The following AKAIN1 variants were observed in gnomAD, a reference collection of about 807,000 sequenced individuals.
AKAIN1 encodes A-kinase anchor protein inhibitor 1.
AKAIN1 carries 3 observed loss-of-function variants against 3.7 expected under a neutral mutation model. The ratio of observed to expected loss-of-function variants is 0.82; its 90% CI spans 0.37 to 2.12. AKAIN1 has a LOEUF of 2.12. Ranked by LOEUF, AKAIN1 falls within the 30% of genes most tolerant of loss-of-function variation. AKAIN1 has a pLI of 0.06. For missense variants in AKAIN1, 82 were observed against 82.7 expected, an observed-to-expected ratio of 0.99 and a Z score of 0.03; for synonymous variants, 31 against 30.8, an observed-to-expected ratio of 1.01 and a Z score of -0.02.
rs542812715 is a variant in AKAIN1, at chr18:5,176,600, T to C, written c.16+20438A>G. 2.5e-4 allele frequency among the ~76,000 whole-genome samples: 38 copies of C among 152,310 alleles called. No individual in the cohort carries two copies. The South Asian group carries it at 7.7e-3, about 31-fold the overall frequency. ...AACATTTAAGATCATTTCCTGAATG[T>C]TTGGTGCCTCCCAATGTTTGGTGTT... On this transcript the variant is annotated intron_variant, in intron 1 of 1. Coordinates refer to ENST00000434239, the MANE Select transcript of AKAIN1 (RefSeq NM_001145194.2).
chr18:5,153,543 G>A (rs777357494), intron 1 of AKAIN1, among the ~76,000 whole-genome samples: 1 of 152,118 alleles, frequency 6.6e-6, no homozygotes, highest in Non-Finnish European at 1.5e-5. Context: ...GGAAAGGACA[G>A]TATTTTCAGT....
intron 1 of AKAIN1, among the ~76,000 whole-genome samples, chr18:5,172,162 CAGAG>C (rs2071201222): frequency 6.6e-6 from 1 of 152,024 alleles, no homozygotes; most frequent in Non-Finnish European, 1.5e-5. Flanking sequence ...CTCTTGGAGA[CAGAG>C]AGTAGAATAA....
rs537251400 is a variant in AKAIN1, at chr18:5,162,839, C to T, written c.17-17084G>A. On this transcript the variant is annotated intron_variant, in intron 1 of 1. Coordinates refer to ENST00000434239, the MANE Select transcript of AKAIN1 (RefSeq NM_001145194.2). The stretch of plus-strand genomic sequence containing the variant: ...AAGGGAAAAGTGATAAAGAGGGTGA[C>T]CAGTTACAGGAAAGGTCAGGTCTAA... Among the ~76,000 whole-genome samples, 3 of 151,740 alleles carry T rather than the reference C, an allele frequency of 2.0e-5. No individual in the cohort carries two copies. In the East Asian group the frequency reaches 5.8e-4, roughly 29 times the overall value.
chr18:5,152,855 G>T (rs1425862349), intron 1 of AKAIN1, among the ~76,000 whole-genome samples: 3 of 152,202 alleles, frequency 2.0e-5, no homozygotes, highest in Non-Finnish European at 1.5e-5. Context: ...GACGGGCGAT[G>T]GCGCTGAAGA....
intron 1 of AKAIN1, among the ~76,000 whole-genome samples, chr18:5,154,987 A>G (rs1339704038): frequency 2.0e-5 from 3 of 152,042 alleles, no homozygotes; most frequent in Non-Finnish European, 2.9e-5. Context: ...GTGTCTTGCC[A>G]CACCACAGGG....
intron 1 of AKAIN1, among the ~76,000 whole-genome samples, chr18:5,154,887 G>A (rs1184053892): frequency 6.6e-6 from 1 of 152,174 alleles, no homozygotes; most frequent in Non-Finnish European, 1.5e-5. Flanking sequence ...ACTCCTGGAA[G>A]CGATTCTCCC....
intron 1 of AKAIN1, among the ~76,000 whole-genome samples, chr18:5,171,889 C>A (rs114767154): frequency 0.011 from 1,750 of 152,230 alleles, 31 homozygotes; most frequent in African/African-American, 0.037. Flanking sequence ...TACCTGCACT[C>A]CCATGTTTAT....
intron 1 of AKAIN1, among the ~76,000 whole-genome samples, chr18:5,154,850 C>G (rs554396973): frequency 6.6e-6 from 1 of 152,298 alleles, no homozygotes; most frequent in South Asian, 2.1e-4. Flanking sequence ...AGTTCAGCGG[C>G]GCTAGCCTGG....
At chr18:5,189,874 G>C (rs975154458) in intron 1 of AKAIN1, among the ~76,000 whole-genome samples, 2 of 151,890 alleles carry the variant, frequency 1.3e-5, no homozygotes, top group Non-Finnish European at 2.9e-5. Flanking sequence ...TCAGTTCCAA[G>C]GTTGTTTCCA....
chr18:5,173,479 T>A (rs2071209034), intron 1 of AKAIN1, among the ~76,000 whole-genome samples: 1 of 152,140 alleles, frequency 6.6e-6, no homozygotes, highest in Non-Finnish European at 1.5e-5. Flanking sequence ...ACATTTTAGT[T>A]GGAATAAAAT....
chr18:5,147,990 G>C (rs2071058817), intron 1 of AKAIN1, among the ~76,000 whole-genome samples: 1 of 152,204 alleles, frequency 6.6e-6, no homozygotes, highest in Non-Finnish European at 1.5e-5. Flanking sequence ...CTTGGGTAAG[G>C]TACTTCACCT....
chr18:5,163,857 C>T (rs186026966), intron 1 of AKAIN1: 42 of 152,128 alleles, frequency 2.8e-4, no homozygotes, highest in Admixed American at 2.4e-3. Flanking sequence ...ATAATATTAT[C>T]GATATGTGTG....
At chr18:5,188,575 G>C (rs2174540) in intron 1 of AKAIN1, among the ~76,000 whole-genome samples, 3,433 of 152,050 alleles carry the variant, frequency 0.023, 97 homozygotes, top group East Asian at 0.1. Context: ...GAAGCCAGCA[G>C]ACTTTACCTA....
chr18:5,197,661 G>C (rs1032803883), upstream of AKAIN1, among the ~76,000 whole-genome samples: 1 of 152,056 alleles, frequency 6.6e-6, no homozygotes, highest in Non-Finnish European at 1.5e-5. This position sits in a 1 kb window ranked among gnomAD's most constrained non-coding sequence, Gnocchi z 6.9. Context: ...GCTAACGTCA[G>C]GAAGAGAGCA....
chr18:5,189,311 T>C (rs140703732), intron 1 of AKAIN1, among the ~76,000 whole-genome samples: 419 of 152,280 alleles, frequency 2.8e-3, no homozygotes, highest in Admixed American at 8.0e-3. Context: ...CATCCTTCTA[T>C]CCATTGTAAT....
At chr18:5,175,449 C>T (rs1181664390) in intron 1 of AKAIN1, among the ~76,000 whole-genome samples, 2 of 152,158 alleles carry the variant, frequency 1.3e-5, no homozygotes, top group African/African-American at 2.4e-5. Flanking sequence ...CATGTTCTTT[C>T]TTGCTCTTGT....
At chr18:5,156,419 T>C (rs2071108584) in intron 1 of AKAIN1, among the ~76,000 whole-genome samples, 1 of 152,090 alleles carries the variant, frequency 6.6e-6, no homozygotes, top group African/African-American at 2.4e-5. Flanking sequence ...AAAAGTAATA[T>C]TTAGTCCCTG....
At chr18:5,197,386 G>A (rs1477336096), upstream of AKAIN1, 5 of 1,262,828 alleles carry the variant, frequency 4.0e-6, no homozygotes, top group East Asian at 9.5e-5. This position sits in a 1 kb window ranked among gnomAD's most constrained non-coding sequence, Gnocchi z 6.9. Flanking sequence ...ACGCGACGAA[G>A]GTCGGAAGAG....
chr18:5,186,965 G>T (rs1207650375), intron 1 of AKAIN1, among the ~76,000 whole-genome samples: 1 of 152,008 alleles, frequency 6.6e-6, no homozygotes, highest in East Asian at 1.9e-4. Context: ...GAGGTTTCAA[G>T]GGAAATTAGA....
Sources: gnomAD v4.1 joint callset for allele counts (sites outside exome capture counted in the v4.1 genomes callset) on GRCh38, gnomAD v4.1.1 for gene constraint, Gnocchi (gnomAD v3.1) non-coding constraint, MANE v1.5 for transcripts, NCBI Gene and HGNC (gene_info 2026-07-23, HGNC 2026-07-21) for gene names.